The following ZBED6 variants were observed in gnomAD, a reference collection of about 807,000 sequenced individuals.
ZBED6 encodes the protein zinc finger BED domain-containing protein 6.
Under a neutral mutation model 58.4 loss-of-function variants are expected in ZBED6, and 40 were observed. The observed-to-expected ratio is 0.68, with a 90% CI of 0.53 to 0.89. The LOEUF (loss-of-function observed/expected upper bound fraction) is 0.89, where lower values mean the gene tolerates loss of function less well. Ranked by LOEUF, ZBED6 falls within the 40% of genes least tolerant of loss-of-function variation. The probability of loss-of-function intolerance (pLI) is 0.00; values close to 1 mark genes in which losing one functional copy is unlikely to be tolerated. For missense variants in ZBED6, 1,057 were observed against 1,003.9 expected (o/e 1.05, Z -0.71); for synonymous variants, 439 against 350.6 (o/e 1.25, Z -2.82).
At chr1:203,810,734 C>T (rs1313773473) in intron 1 of ZBED6, among the ~76,000 whole-genome samples, 6 of 152,106 alleles carry the variant, frequency 3.9e-5, no homozygotes, top group South Asian at 4.2e-4. Context: ...TTAGATCTGA[C>T]GAAGGAGTTT....
chr1:203,816,243 A>G (rs903921656), intron 1 of ZBED6, among the ~76,000 whole-genome samples: 1 of 152,208 alleles, frequency 6.6e-6, no homozygotes, highest in Admixed American at 6.6e-5. Context: ...CCTAAGTCCC[A>G]TTAATAATCT....
chr1:203,806,729 A>G (rs1482988479), intron 1 of ZBED6, among the ~76,000 whole-genome samples: 1 of 150,994 alleles, frequency 6.6e-6, no homozygotes, highest in Admixed American at 6.6e-5. Flanking sequence ...GTTTTACCAT[A>G]TTGCATATGC....
At chr1:203,805,449 A>G (rs544464416) in intron 1 of ZBED6, among the ~76,000 whole-genome samples, 2 of 152,248 alleles carry the variant, frequency 1.3e-5, no homozygotes, top group African/African-American at 2.4e-5. Context: ...GTTTTAGTAC[A>G]AAGAAAGCAT....
At chr1:203,837,303 A>AG (rs1684652692) in intron 9 of ZBED6, among the ~76,000 whole-genome samples, 4 of 151,038 alleles carry the variant, frequency 2.6e-5, no homozygotes, top group African/African-American at 9.8e-5. Context: ...AAAAAAAAAA[A>AG]AGGGTTCTTT....
exon 1 of ZBED6, chr1:203,802,728 T>TG (rs1389913300): frequency 3.6e-5 from 5 of 137,930 alleles, no homozygotes; most frequent in East Asian, 2.5e-4. Context: ...TTTTTTGTTT[T>TG]TTTTTTGTTT....
At chr1:203,822,663 A>C (rs899776955) in intron 3 of ZBED6, among the ~76,000 whole-genome samples, 1 of 152,166 alleles carries the variant, frequency 6.6e-6, no homozygotes, top group Non-Finnish European at 1.5e-5. Context: ...TCTCTTCTGC[A>C]CAGAGACATT....
At chr1:203,850,356 G>T in intron 14 of ZBED6, 159 bp from the exon 15 acceptor site, 7 of 1,079,640 alleles carry the variant, frequency 6.5e-6, no homozygotes, top group Non-Finnish European at 9.8e-6. Flanking sequence ...TGACCACCAT[G>T]TGACCACAAA....
chr1:203,840,605 ATTATTTAT>A (rs534962124), intron 11 of ZBED6, among the ~76,000 whole-genome samples: 56 of 147,694 alleles, frequency 3.8e-4, no homozygotes, highest in East Asian at 1.4e-3. Context: ...ATAGTAGGAA[ATTATTTAT>A]TTATTTATTT....
intron 11 of ZBED6, among the ~76,000 whole-genome samples, chr1:203,844,252 C>G (rs1258887115): frequency 6.6e-6 from 1 of 152,160 alleles, no homozygotes; most frequent in Non-Finnish European, 1.5e-5. Context: ...ACCTCTGCCT[C>G]CCAGGTTAAA....
exon 1 of ZBED6, chr1:203,800,420 G>T: frequency 7.5e-7 from 1 of 1,336,704 alleles, no homozygotes; most frequent in African/African-American, 1.5e-5. Context: ...ATCCTGAGCA[G>T]AATGAAGTTG....
chr1:203,838,242 T>C (rs968093114), intron 10 of ZBED6, among the ~76,000 whole-genome samples, 178 bp downstream of exon 10: 1 of 152,170 alleles, frequency 6.6e-6, no homozygotes, highest in Non-Finnish European at 1.5e-5. Context: ...GTAGACACCA[T>C]TGAAAAAAAC....
chr1:203,798,579 A>C lies in ZBED6; in HGVS notation c.1057A>C (p.Thr353Pro), dbSNP rs775730425. 6.5e-6 allele frequency: 10 copies of C among 1,536,174 alleles called. No homozygotes were observed. Among genetic ancestry groups the C allele is most frequent in the Non-Finnish European group, 8.7e-6 (10 of 1,146,916 alleles). Residue 353 changes from threonine to proline, a missense_variant, in exon 1 of 17, where the codon ACA (threonine) becomes CCA (proline). By Grantham distance (38) the Thr-to-Pro change is conservative. Transcript: ENST00000550078. ...TGATACCTTGCATGGAGAAAAGTCT[A>C]CAGGCAGCCAAGATTTAACAGCTGA...
chr1:203,838,081 A>C lies in ZBED6; in HGVS notation c.*3672+17A>C. 1.9e-6 allele frequency: 3 copies of C among 1,611,510 alleles called. No individual in the cohort carries two copies. Among genetic ancestry groups the C allele is most frequent in the Non-Finnish European group, 2.5e-6 (3 of 1,178,174 alleles). On this transcript the variant is annotated intron_variant, in intron 10 of 16. Transcript: ENST00000550078. Reference sequence around the variant, plus strand: ...CAAAGAAAGGTACCTGTGTTCTTACATACTTTGTGTGTGTATGTAATTATG... The same window carrying C: ...CAAAGAAAGGTACCTGTGTTCTTACCTACTTTGTGTGTGTATGTAATTATG...
chr1:203,823,330 T>C (rs1353023053), intron 3 of ZBED6, among the ~76,000 whole-genome samples: 1 of 152,236 alleles, frequency 6.6e-6, no homozygotes, highest in Non-Finnish European at 1.5e-5. Flanking sequence ...CAGAGCACAC[T>C]CTTTTCCTAG....
intron 1 of ZBED6, chr1:203,806,007 G>T: frequency 1.8e-6 from 1 of 559,482 alleles, no homozygotes; most frequent in Non-Finnish European, 3.5e-6. Context: ...CTTGTTTCAT[G>T]TTGAATGACT....
chr1:203,834,901 C>T (rs1167334281), intron 9 of ZBED6, among the ~76,000 whole-genome samples: 2 of 152,252 alleles, frequency 1.3e-5, no homozygotes, highest in Non-Finnish European at 2.9e-5. Context: ...GCCTCTGCCT[C>T]CCAAAGTGCT....
chr1:203,828,595 C>A (rs1254484123), intron 4 of ZBED6, among the ~76,000 whole-genome samples, 173 bp downstream of exon 4: 4 of 152,136 alleles, frequency 2.6e-5, no homozygotes, highest in Non-Finnish European at 5.9e-5. Context: ...TATCCTTGGC[C>A]TTAGAACCAT....
chr1:203,853,833 T>G (rs1302980908), exon 17 of ZBED6: 1 of 152,642 alleles, frequency 6.6e-6, no homozygotes, highest in Admixed American at 6.5e-5. Flanking sequence ...CCTCTACCAA[T>G]CCATCTTCAG....
exon 2 of ZBED6, chr1:203,816,987 A>G: frequency 1.1e-6 from 1 of 907,342 alleles, no homozygotes; most frequent in Non-Finnish European, 1.7e-6. Context: ...AACCCATTTC[A>G]CGAGGACTTG....
Sources: allele counts gnomAD v4.1 joint callset (sites outside exome capture counted in the v4.1 genomes callset), GRCh38; gene constraint gnomAD v4.1.1; transcripts MANE v1.5; gene names NCBI Gene and HGNC (gene_info 2026-07-23, HGNC 2026-07-21).